The following NALF1 variants were observed in gnomAD, a reference collection of about 807,000 sequenced individuals.
NALF1 encodes NALCN channel auxiliary factor 1, also known as family with sequence similarity 155 member A.
In NALF1, 3 loss-of-function variants were observed where a neutral mutation model predicts 48.4. The ratio of observed to expected loss-of-function variants is 0.06; its 90% CI spans 0.03 to 0.16. NALF1 has a LOEUF of 0.16. Among genes scored for constraint, NALF1 ranks in the 10% least tolerant of loss-of-function variants. NALF1 has a pLI of 1.00. For synonymous variants in NALF1, 262 were observed against 245.7 expected, an observed-to-expected ratio of 1.07 and a Z score of -0.62; for missense variants, 526 against 571.5, an observed-to-expected ratio of 0.92 and a Z score of 0.81.
chr13:107,342,519 G>C (rs568872035), intron 1 of NALF1, among the ~76,000 whole-genome samples: 73 of 152,260 alleles, frequency 4.8e-4, no homozygotes, highest in African/African-American at 1.7e-3. Flanking sequence ...CAGAGAAGAA[G>C]TGGCAGAACC....
intron 1 of NALF1, among the ~76,000 whole-genome samples, chr13:107,573,699 G>A (rs1878054724): frequency 2.0e-5 from 3 of 152,124 alleles, no homozygotes; most frequent in South Asian, 2.1e-4. Flanking sequence ...GGACCTGGTC[G>A]GAGGTAATTG....
chr13:107,368,638 C>T (rs952088467), intron 1 of NALF1, among the ~76,000 whole-genome samples: 2 of 152,196 alleles, frequency 1.3e-5, no homozygotes, highest in Non-Finnish European at 2.9e-5. Flanking sequence ...ACAAGGCCCT[C>T]CTCTCTGTGT....
At chr13:107,194,050 ATC>A (rs369309810) in intron 2 of NALF1, among the ~76,000 whole-genome samples, 10,705 of 113,926 alleles carry the variant, frequency 0.094, 376 homozygotes, top group East Asian at 0.16. Flanking sequence ...CTATCTATCT[ATC>A]TATCTATATA....
At chr13:107,268,377 G>A (rs184374240) in intron 1 of NALF1, among the ~76,000 whole-genome samples, 1 of 152,000 alleles carries the variant, frequency 6.6e-6, no homozygotes, top group Admixed American at 6.6e-5. Flanking sequence ...GATGAGGGGG[G>A]ACTACTGTGC....
At chr13:107,670,602 C>A (rs951962053) in intron 1 of NALF1, among the ~76,000 whole-genome samples, 4 of 152,106 alleles carry the variant, frequency 2.6e-5, no homozygotes, top group African/African-American at 9.7e-5. Flanking sequence ...TCTTTACTAT[C>A]ATTGTAATAT....
intron 1 of NALF1, among the ~76,000 whole-genome samples, chr13:107,611,075 T>A (rs1368648837): frequency 6.6e-6 from 1 of 152,202 alleles, no homozygotes; most frequent in African/African-American, 2.4e-5. Flanking sequence ...GAGCAGAAAC[T>A]GCCCTGCAGG....
At chr13:107,777,771 C>A (rs1444985755) in intron 1 of NALF1, among the ~76,000 whole-genome samples, 3 of 152,092 alleles carry the variant, frequency 2.0e-5, no homozygotes, top group African/African-American at 4.8e-5. Context: ...CCATCAATGC[C>A]TTTAAGAACA....
chr13:107,234,534 A>G (rs1318632374), intron 1 of NALF1, among the ~76,000 whole-genome samples: 1 of 152,098 alleles, frequency 6.6e-6, no homozygotes, highest in East Asian at 1.9e-4. Flanking sequence ...TCCGCCCAGC[A>G]CTGCCTGTCA....
chr13:107,432,041 GT>G (rs1211093565), intron 1 of NALF1, among the ~76,000 whole-genome samples: 2 of 152,168 alleles, frequency 1.3e-5, no homozygotes, highest in Non-Finnish European at 2.9e-5. Context: ...AAGAAAAGAG[GT>G]TTATTTGGCT....
intron 2 of NALF1, among the ~76,000 whole-genome samples, chr13:107,198,075 G>T (rs1411908330): frequency 1.3e-5 from 2 of 152,116 alleles, no homozygotes; most frequent in African/African-American, 2.4e-5. Flanking sequence ...GAGATAGAAA[G>T]TTTATCTGGC....
chr13:107,301,414 A>G (rs1333124280), intron 1 of NALF1, among the ~76,000 whole-genome samples: 1 of 152,248 alleles, frequency 6.6e-6, no homozygotes, highest in Non-Finnish European at 1.5e-5. Flanking sequence ...ATTGAAATAT[A>G]ATCAGTAACA....
intron 1 of NALF1, among the ~76,000 whole-genome samples, chr13:107,453,777 TA>T (rs1884781430): frequency 6.6e-6 from 1 of 152,236 alleles, no homozygotes; most frequent in South Asian, 2.1e-4. Flanking sequence ...GCTCCCCTGT[TA>T]AACATAAGTT....
At chr13:107,343,870 A>G (rs899165810) in intron 1 of NALF1, among the ~76,000 whole-genome samples, 1 of 152,140 alleles carries the variant, frequency 6.6e-6, no homozygotes, top group South Asian at 2.1e-4. Flanking sequence ...AGAAATCAAC[A>G]AAGTAGAGAA....
At chr13:107,378,055 T>C (rs1278975144) in intron 1 of NALF1, among the ~76,000 whole-genome samples, 1 of 152,194 alleles carries the variant, frequency 6.6e-6, no homozygotes, top group Non-Finnish European at 1.5e-5. Context: ...TGCTTTTCCT[T>C]TGTGGCCCCC....
chr13:107,727,421 G>T (rs539862123), intron 1 of NALF1, among the ~76,000 whole-genome samples: 7 of 152,198 alleles, frequency 4.6e-5, no homozygotes, highest in Admixed American at 2.0e-4. Context: ...CAGAACTTGG[G>T]AGCTGCTGTA....
chr13:107,293,754 T>C (rs761127221), intron 1 of NALF1, among the ~76,000 whole-genome samples: 2 of 152,216 alleles, frequency 1.3e-5, no homozygotes, highest in African/African-American at 2.4e-5. Flanking sequence ...CCCAGGAATG[T>C]ACATTTGCAA....
At chr13:107,357,342 G>GAGAAC (rs1323088589) in intron 1 of NALF1, among the ~76,000 whole-genome samples, 2 of 152,120 alleles carry the variant, frequency 1.3e-5, no homozygotes, top group East Asian at 3.9e-4. Flanking sequence ...TCACTGTCAT[G>GAGAAC]AGAACAGCAT....
At chr13:107,619,739 C>T (rs1343068281) in intron 1 of NALF1, among the ~76,000 whole-genome samples, 1 of 152,120 alleles carries the variant, frequency 6.6e-6, no homozygotes, top group African/African-American at 2.4e-5. Flanking sequence ...GTGACTCCCT[C>T]AAGTTGCACA....
intron 1 of NALF1, among the ~76,000 whole-genome samples, chr13:107,405,863 C>T (rs992274896): frequency 2.0e-5 from 3 of 152,034 alleles, no homozygotes; most frequent in Non-Finnish European, 4.4e-5. Flanking sequence ...CCAGGGATCA[C>T]GCAGTAAATC....
Sources: gnomAD v4.1 joint callset for allele counts (sites outside exome capture counted in the v4.1 genomes callset) on GRCh38, gnomAD v4.1.1 for gene constraint, MANE v1.5 for transcripts, NCBI Gene and HGNC (gene_info 2026-07-23, HGNC 2026-07-21) for gene names.